The following SORCS3 variants were observed in gnomAD, a reference collection of about 807,000 sequenced individuals.
The protein encoded by SORCS3 is sortilin related VPS10 domain containing receptor 3, also known as VPS10 domain-containing receptor SorCS3.
In SORCS3, 57 loss-of-function variants were observed where a neutral mutation model predicts 146.3. That is an observed-to-expected ratio of 0.39 (90% CI 0.31 to 0.49). The LOEUF (loss-of-function observed/expected upper bound fraction) is 0.49, where lower values mean the gene tolerates loss of function less well. Ranked by LOEUF, SORCS3 falls within the 20% of genes least tolerant of loss-of-function variation. The probability of loss-of-function intolerance (pLI) is 0.92; values close to 1 mark genes in which losing one functional copy is unlikely to be tolerated. For synonymous variants in SORCS3, 653 were observed against 618.5 expected (o/e 1.06, Z -0.83); for missense variants, 1,341 against 1,575.5 (o/e 0.85, Z 2.52).
At chr10:105,011,456 G>A (rs1454485774) in intron 4 of SORCS3, among the ~76,000 whole-genome samples, 1 of 152,138 alleles carries the variant, frequency 6.6e-6, no homozygotes, top group Non-Finnish European at 1.5e-5. Flanking sequence ...CTTTCACTGA[G>A]CAGTGATTCT....
At chr10:104,905,998 G>A (rs2018901145) in intron 2 of SORCS3, among the ~76,000 whole-genome samples, 1 of 152,206 alleles carries the variant, frequency 6.6e-6, no homozygotes, top group Non-Finnish European at 1.5e-5. Context: ...GGGTAGGAAG[G>A]TGGTCTGAAG....
chr10:105,173,847 G>C (rs1348826255), intron 13 of SORCS3, among the ~76,000 whole-genome samples: 1 of 152,096 alleles, frequency 6.6e-6, no homozygotes, highest in East Asian at 1.9e-4. Flanking sequence ...GTTTTCTCCT[G>C]AATCTTTACA....
At chr10:104,974,629 T>C (rs1564726134) in intron 3 of SORCS3, among the ~76,000 whole-genome samples, 1 of 152,220 alleles carries the variant, frequency 6.6e-6, no homozygotes, top group Non-Finnish European at 1.5e-5. Context: ...AGCATACTGA[T>C]GGGTCTTGAC....
chr10:104,915,448 A>G (rs1053345642), intron 2 of SORCS3, among the ~76,000 whole-genome samples: 5 of 137,942 alleles, frequency 3.6e-5, no homozygotes, highest in Non-Finnish European at 6.1e-5. Context: ...TGGCCTCCAC[A>G]CACAACTCCC....
chr10:104,740,439 G>C (rs528776849), intron 1 of SORCS3, among the ~76,000 whole-genome samples: 2 of 152,256 alleles, frequency 1.3e-5, no homozygotes, highest in Admixed American at 6.5e-5. Flanking sequence ...CTGTTTCGAC[G>C]CACCTCCTCT....
chr10:105,134,877 A>G (rs1278688067), intron 7 of SORCS3, among the ~76,000 whole-genome samples: 1 of 152,162 alleles, frequency 6.6e-6, no homozygotes, highest in Non-Finnish European at 1.5e-5. Context: ...TCTGCGTATC[A>G]TCTTAATAAG....
In SORCS3 at chr10:104,750,063, G is replaced by A. The variant is rs202112931; in HGVS notation, c.628-92729G>A. 3.3e-5 allele frequency among the ~76,000 whole-genome samples: 5 copies of A among 152,130 alleles called. No individual in the cohort carries two copies. In the East Asian group the frequency reaches 9.6e-4, roughly 29 times the overall value. ...GTTTGAAAACATGTGCAAAGACAAG[G>A]TGTGTGCAGTATCAGTTAGTGGGTA... On this transcript the variant is annotated intron_variant, in intron 1 of 26. Coordinates refer to ENST00000369701, the MANE Select transcript of SORCS3 (RefSeq NM_014978.3).
chr10:104,849,560 G>A (rs956848795), intron 2 of SORCS3, among the ~76,000 whole-genome samples: 3 of 152,004 alleles, frequency 2.0e-5, no homozygotes, highest in Non-Finnish European at 4.4e-5. Flanking sequence ...ATGTGAACCC[G>A]AGCTCTATTG....
intron 1 of SORCS3, among the ~76,000 whole-genome samples, chr10:104,728,140 A>C (rs2133451012): frequency 6.6e-6 from 1 of 151,680 alleles, no homozygotes. Flanking sequence ...TTTTTTAACC[A>C]ATCCACCATT....
At chr10:104,964,244 G>A (rs374812856) in intron 3 of SORCS3, among the ~76,000 whole-genome samples, 77 of 152,270 alleles carry the variant, frequency 5.1e-4, no homozygotes, top group Middle Eastern at 3.4e-3. Context: ...CTGGGTCTGC[G>A]TTTCCTTGCT....
intron 4 of SORCS3, among the ~76,000 whole-genome samples, chr10:105,019,263 A>T (rs950342013): frequency 5.3e-5 from 8 of 152,160 alleles, no homozygotes; most frequent in Non-Finnish European, 2.9e-5. Flanking sequence ...GAATATGACC[A>T]TTACTTAATG....
chr10:104,721,766 T>C (rs2016552669), intron 1 of SORCS3, among the ~76,000 whole-genome samples: 1 of 152,108 alleles, frequency 6.6e-6, no homozygotes, highest in Non-Finnish European at 1.5e-5. Flanking sequence ...ACTCATGATT[T>C]GGCTCTCTGT....
chr10:104,974,266 C>T (rs1350752615), intron 3 of SORCS3, among the ~76,000 whole-genome samples: 5 of 152,014 alleles, frequency 3.3e-5, no homozygotes, highest in African/African-American at 9.7e-5. Context: ...TTTTCTGTCT[C>T]ATTGATCTGT....
In SORCS3 at chr10:105,140,869, G is replaced by T. The variant is rs528775505; in HGVS notation, c.1302+1383G>T. Among the ~76,000 whole-genome samples the T allele has an allele frequency of 8.7e-4, 132 of 152,192 alleles. 1 individual carries two copies. The highest frequency in any genetic ancestry group is 3.1e-3 in the African/African-American group (127 of 41,536). On this transcript the variant is annotated intron_variant, in intron 8 of 26. Transcript: ENST00000369701. The stretch of plus-strand genomic sequence containing the variant: ...CTTTATGGGACCATTGTATAGTATG[G>T]TGTTTGCAGGATGTACCCATCAGAT...
intron 1 of SORCS3, among the ~76,000 whole-genome samples, chr10:104,761,130 A>G (rs561840867): frequency 2.0e-5 from 3 of 152,330 alleles, no homozygotes; most frequent in South Asian, 4.1e-4. Flanking sequence ...CAAAAGCCTT[A>G]GTACAAGTGG....
intron 1 of SORCS3, among the ~76,000 whole-genome samples, chr10:104,828,452 AT>A (rs1278294226): frequency 6.6e-6 from 1 of 152,182 alleles, no homozygotes; most frequent in African/African-American, 2.4e-5. Context: ...TTATATGGGC[AT>A]GGTTCATGGT....
chr10:104,975,892 C>T (rs557112815), intron 3 of SORCS3, among the ~76,000 whole-genome samples: 1 of 152,276 alleles, frequency 6.6e-6, no homozygotes, highest in South Asian at 2.1e-4. Flanking sequence ...CTTCCTTACA[C>T]CTTATACAAA....
In SORCS3 at chr10:104,872,496, C is replaced by T. The variant is rs1445178076; in HGVS notation, c.695+29637C>T. 4.0e-5 allele frequency among the ~76,000 whole-genome samples: 6 copies of T among 151,884 alleles called. No individual in the cohort carries two copies. In the South Asian group the frequency reaches 6.2e-4, roughly 16 times the overall value. ...ATTTACAGTCCTGCTAACGTGTCAG[C>T]TTCTGGGTCCCATCCTCCAGGGCTT... On this transcript the variant is annotated intron_variant, in intron 2 of 26. Coordinates refer to ENST00000369701, the MANE Select transcript of SORCS3 (RefSeq NM_014978.3).
intron 14 of SORCS3, among the ~76,000 whole-genome samples, chr10:105,186,832 C>T (rs887013953): frequency 4.0e-5 from 6 of 148,476 alleles, no homozygotes; most frequent in South Asian, 2.1e-4. Flanking sequence ...TGCAGTGAGC[C>T]GAGATCGTGC....
Sources: gnomAD v4.1 joint callset for allele counts (sites outside exome capture counted in the v4.1 genomes callset) on GRCh38, gnomAD v4.1.1 for gene constraint, MANE v1.5 for transcripts, NCBI Gene and HGNC (gene_info 2026-07-23, HGNC 2026-07-21) for gene names.